PCDH9: variants seen among roughly 807,000 people sequenced by gnomAD.
The protein encoded by PCDH9 is protocadherin-9.
A neutral mutation model predicts 70.6 loss-of-function variants in PCDH9; 24 were observed. The ratio of observed to expected loss-of-function variants is 0.34; its 90% CI spans 0.25 to 0.48. The LOEUF is 0.48. Among genes scored for constraint, PCDH9 ranks in the 20% least tolerant of loss-of-function variants. The pLI, the probability that PCDH9 is intolerant of heterozygous loss-of-function variation, is 0.99. For synonymous variants in PCDH9, 562 were observed against 558.5 expected, an observed-to-expected ratio of 1.01 and a Z score of -0.09; for missense variants, 1,281 against 1,503.6, an observed-to-expected ratio of 0.85 and a Z score of 2.45.
chr13:66,311,648 A>G (rs1177438415), intron 4 of PCDH9, among the ~76,000 whole-genome samples: 1 of 152,168 alleles, frequency 6.6e-6, no homozygotes, highest in African/African-American at 2.4e-5. Context: ...GAAAGTTGGC[A>G]TGAAAACCAG....
intron 4 of PCDH9, among the ~76,000 whole-genome samples, chr13:66,481,529 A>T (rs1395776653): frequency 1.3e-5 from 2 of 152,230 alleles, no homozygotes; most frequent in African/African-American, 4.8e-5. Flanking sequence ...ACTACAGTGT[A>T]GTGTAAACAT....
At chr13:66,405,215 ACT>A (rs1273251959) in intron 4 of PCDH9, among the ~76,000 whole-genome samples, 3 of 151,866 alleles carry the variant, frequency 2.0e-5, no homozygotes, top group African/African-American at 2.4e-5. Context: ...CTTATTAAAC[ACT>A]CTGCTTATCA....
intron 2 of PCDH9, among the ~76,000 whole-genome samples, chr13:66,912,514 G>GAC (rs34088176): frequency 0.061 from 9,069 of 149,784 alleles, 847 homozygotes; most frequent in African/African-American, 0.2. Context: ...CATAAGTGTG[G>GAC]ACACACACAC....
intron 4 of PCDH9, among the ~76,000 whole-genome samples, chr13:66,370,585 G>C (rs1444388): frequency 6.7e-6 from 1 of 150,350 alleles, no homozygotes; most frequent in East Asian, 2.0e-4. Context: ...ATCATGTCTC[G>C]CTCTATCCTT....
intron 2 of PCDH9, among the ~76,000 whole-genome samples, chr13:66,905,782 T>C (rs1218700793): frequency 6.6e-6 from 1 of 152,202 alleles, no homozygotes; most frequent in Non-Finnish European, 1.5e-5. Context: ...GGAACCTCTG[T>C]AGACTGGTAG....
chr13:66,709,594 A>G (rs1023225340), intron 3 of PCDH9, among the ~76,000 whole-genome samples: 2 of 152,200 alleles, frequency 1.3e-5, no homozygotes, highest in African/African-American at 4.8e-5. Context: ...CCCAACAAAT[A>G]AGCAAACACC....
chr13:67,174,690 A>G (rs2088399204), intron 2 of PCDH9, among the ~76,000 whole-genome samples: 1 of 152,108 alleles, frequency 6.6e-6, no homozygotes, highest in African/African-American at 2.4e-5. Flanking sequence ...TTTATAAAGA[A>G]CCAAAGCCTC....
At chr13:66,985,932 C>T (rs2083882588) in intron 2 of PCDH9, among the ~76,000 whole-genome samples, 1 of 152,060 alleles carries the variant, frequency 6.6e-6, no homozygotes, top group Non-Finnish European at 1.5e-5. Flanking sequence ...ATTCTCTTAG[C>T]CATGAATATG....
In PCDH9 at chr13:66,911,660, T is replaced by C. The variant is rs1257845957; in HGVS notation, c.3037-8055A>G. ...AATTTTTCCATTGGTTCCCTCCTTA[T>C]ATTATTACCTTACTGTAAAGCCATT... On this transcript the variant is annotated intron_variant, in intron 2 of 4. Transcript: ENST00000377865. 2.0e-5 allele frequency among the ~76,000 whole-genome samples: 3 copies of C among 152,212 alleles called. 1 individual carries two copies. The highest frequency in any genetic ancestry group is 2.0e-4 in the Admixed American group (3 of 15,268).
At chr13:66,959,708 A>C (rs908348409) in intron 2 of PCDH9, among the ~76,000 whole-genome samples, 71 of 151,304 alleles carry the variant, frequency 4.7e-4, no homozygotes, top group Admixed American at 4.7e-3. Context: ...TTATGATTGC[A>C]TCACTGCACT....
chr13:66,408,378 G>T (rs558407951), intron 4 of PCDH9, among the ~76,000 whole-genome samples: 2 of 152,290 alleles, frequency 1.3e-5, no homozygotes, highest in Admixed American at 1.3e-4. Context: ...CCTTAACAGG[G>T]ATGACAGAAC....
chr13:66,997,867 A>G (rs925800106), intron 2 of PCDH9, among the ~76,000 whole-genome samples: 12 of 152,152 alleles, frequency 7.9e-5, no homozygotes, highest in Non-Finnish European at 1.6e-4. Context: ...TTTAGAGGGA[A>G]CAAAACAACC....
At chr13:66,509,016 A>T (rs7321336) in intron 4 of PCDH9, among the ~76,000 whole-genome samples, 130,406 of 151,560 alleles carry the variant, frequency 0.86, 56,200 homozygotes, top group East Asian at 1. Flanking sequence ...TAATAAGTAT[A>T]TATGAAGCCT....
At chr13:66,627,176 C>T (rs111326048) in intron 4 of PCDH9, among the ~76,000 whole-genome samples, 8 of 151,950 alleles carry the variant, frequency 5.3e-5, no homozygotes, top group East Asian at 1.9e-4. Context: ...TAAGTACAAT[C>T]GAAATTACTT....
intron 3 of PCDH9, among the ~76,000 whole-genome samples, chr13:66,779,843 C>CTATATATATA (rs1234220065): frequency 7.6e-3 from 235 of 30,888 alleles, no homozygotes; most frequent in Middle Eastern, 0.048. Context: ...CTCTCTCTCT[C>CTATATATATA]TCTCTCTATA....
At chr13:67,052,417 G>T (rs2085340166) in intron 2 of PCDH9, among the ~76,000 whole-genome samples, 1 of 152,106 alleles carries the variant, frequency 6.6e-6, no homozygotes, top group African/African-American at 2.4e-5. Flanking sequence ...GGTGAGGTCT[G>T]CAGGGGTCAG....
chr13:66,520,412 A>C (rs982821482), intron 4 of PCDH9, among the ~76,000 whole-genome samples: 3 of 152,192 alleles, frequency 2.0e-5, no homozygotes, highest in African/African-American at 7.2e-5. Flanking sequence ...ACTGTGAGTG[A>C]GATAAGATTG....
intron 3 of PCDH9, among the ~76,000 whole-genome samples, chr13:66,759,639 T>C (rs1050879674): frequency 5.5e-5 from 5 of 90,584 alleles, no homozygotes; most frequent in African/African-American, 7.7e-5. Flanking sequence ...TTCTTGTTTT[T>C]TACTTTTTGT....
intron 2 of PCDH9, among the ~76,000 whole-genome samples, chr13:67,116,278 A>G (rs932282738): frequency 1.3e-5 from 2 of 152,174 alleles, no homozygotes; most frequent in African/African-American, 4.8e-5. Context: ...TGAAAGCATT[A>G]TATTATCTTC....
Sources: gnomAD v4.1 joint callset for allele counts (sites outside exome capture counted in the v4.1 genomes callset) on GRCh38, gnomAD v4.1.1 for gene constraint, MANE v1.5 for transcripts, NCBI Gene and HGNC (gene_info 2026-07-23, HGNC 2026-07-21) for gene names.